ERBB4: variants seen among roughly 807,000 people sequenced by gnomAD.
ERBB4 encodes the protein erb-b2 receptor tyrosine kinase 4.
A neutral mutation model predicts 158.0 loss-of-function variants in ERBB4; 42 were observed. The ratio of observed to expected loss-of-function variants is 0.27; its 90% CI spans 0.21 to 0.34. The LOEUF (loss-of-function observed/expected upper bound fraction) is 0.34, where lower values mean the gene tolerates loss of function less well. ERBB4 is among the 10% of genes least tolerant of loss of function. The pLI, the probability that ERBB4 is intolerant of heterozygous loss-of-function variation, is 1.00. For missense variants in ERBB4, 1,333 were observed against 1,624.1 expected, an observed-to-expected ratio of 0.82 and a Z score of 3.08; for synonymous variants, 583 against 558.7, an observed-to-expected ratio of 1.04 and a Z score of -0.61.
At chr2:212,279,242 G>T (rs1490246732) in intron 1 of ERBB4, among the ~76,000 whole-genome samples, 1 of 151,140 alleles carries the variant, frequency 6.6e-6, no homozygotes, top group Non-Finnish European at 1.5e-5. Flanking sequence ...AAATTAAAAG[G>T]TGCATAAAAT....
chr2:212,453,812 G>A (rs1053779237), intron 1 of ERBB4, among the ~76,000 whole-genome samples: 1 of 152,168 alleles, frequency 6.6e-6, no homozygotes, highest in Non-Finnish European at 1.5e-5. Flanking sequence ...TTTAAACGTA[G>A]TTTTATCAAC....
intron 18 of ERBB4, among the ~76,000 whole-genome samples, chr2:211,623,029 AT>A: frequency 6.9e-5 from 7 of 101,916 alleles, no homozygotes; most frequent in Admixed American, 2.1e-4. Flanking sequence ...ATATATATAT[AT>A]ATATATATAT....
intron 3 of ERBB4, among the ~76,000 whole-genome samples, chr2:211,915,859 T>A (rs2079675210): frequency 6.6e-6 from 1 of 151,922 alleles, no homozygotes; most frequent in Admixed American, 6.6e-5. Flanking sequence ...AATATCCCTG[T>A]TATTTTTTTG....
chr2:212,355,611 A>T (rs2089433976), intron 1 of ERBB4, among the ~76,000 whole-genome samples: 1 of 152,038 alleles, frequency 6.6e-6, no homozygotes, highest in African/African-American at 2.4e-5. Flanking sequence ...GCTTCTCCAT[A>T]AAAGACATTT....
chr2:211,785,343 C>T (rs1028383733), intron 4 of ERBB4, among the ~76,000 whole-genome samples: 3 of 152,142 alleles, frequency 2.0e-5, no homozygotes, highest in Non-Finnish European at 2.9e-5. Context: ...TCGCGTGATC[C>T]GCCCACCTCA....
intron 20 of ERBB4, among the ~76,000 whole-genome samples, chr2:211,537,866 C>A (rs1281607339): frequency 6.6e-6 from 1 of 151,902 alleles, no homozygotes; most frequent in African/African-American, 2.4e-5. Context: ...GTATAAATTT[C>A]TCTCATTTTC....
At chr2:211,594,338 C>CT (rs2068566435) in intron 19 of ERBB4, among the ~76,000 whole-genome samples, 1 of 151,992 alleles carries the variant, frequency 6.6e-6, no homozygotes, top group Non-Finnish European at 1.5e-5. Flanking sequence ...ACTCAGGAGG[C>CT]TGAGGCAGGA....
Position 212,315,340 on chromosome 2 carries a change from T to C in ERBB4, c.83-190437A>G, listed in dbSNP as rs2087226113. 2.0e-5 allele frequency among the ~76,000 whole-genome samples: 3 copies of C among 151,312 alleles called. No homozygotes were observed. The South Asian group carries it at 6.2e-4, about 31-fold the overall frequency. On this transcript the variant is annotated intron_variant, in intron 1 of 27. Transcript: ENST00000342788. The stretch of plus-strand genomic sequence containing the variant: ...TCAGAAAGACTGCAGCAATTCAAAA[T>C]GAGAATCCAACACGTGGCTTGTGAG...
At chr2:211,573,857 T>C (rs1056764999) in intron 19 of ERBB4, among the ~76,000 whole-genome samples, 5 of 152,146 alleles carry the variant, frequency 3.3e-5, no homozygotes, top group Non-Finnish European at 7.4e-5. Flanking sequence ...GAAGGTGAGC[T>C]GAAATATTGT....
chr2:212,002,746 A>G (rs1013580087), intron 2 of ERBB4, among the ~76,000 whole-genome samples: 8 of 152,130 alleles, frequency 5.3e-5, no homozygotes, highest in Non-Finnish European at 1.0e-4. Flanking sequence ...GAATAAATAT[A>G]GAAGTCTTAG....
chr2:211,845,131 G>A (rs1348513060), intron 3 of ERBB4, among the ~76,000 whole-genome samples: 1 of 151,968 alleles, frequency 6.6e-6, no homozygotes, highest in Non-Finnish European at 1.5e-5. Context: ...GTAACAGGTG[G>A]AAGGTTTCCC....
intron 1 of ERBB4, among the ~76,000 whole-genome samples, chr2:212,206,576 C>T (rs974350724): frequency 3.5e-5 from 4 of 114,762 alleles, no homozygotes; most frequent in South Asian, 2.6e-4. Context: ...GAACTGTCTC[C>T]GTCTGTTCTG....
intron 2 of ERBB4, among the ~76,000 whole-genome samples, chr2:212,094,718 C>T (rs2125500946): frequency 6.6e-6 from 1 of 152,304 alleles, no homozygotes; most frequent in Admixed American, 6.5e-5. Flanking sequence ...TGGTGCCATG[C>T]TTCCTGTGCA....
chr2:212,211,417 C>G (rs1283363235), intron 1 of ERBB4, among the ~76,000 whole-genome samples: 1 of 152,068 alleles, frequency 6.6e-6, no homozygotes, highest in East Asian at 1.9e-4. Context: ...TTAATATCAG[C>G]CTTCTCTGAA....
In ERBB4 at chr2:211,379,822, T is replaced by C. The variant is rs1170560989; in HGVS notation, c.*3793A>G. ...AAAGGTTAGAGAGCTCTAGAAAAAC[T>C]TGTATTTACATCCTTCCCTGTCAGG... On this transcript the variant is annotated 3_prime_UTR_variant, in exon 28 of 28. Transcript: ENST00000342788. 4.3e-6 allele frequency: 1 copy of C among 231,996 alleles called. No individual in the cohort carries two copies. Among genetic ancestry groups the C allele is most frequent in the Non-Finnish European group, 8.5e-6 (1 of 117,364 alleles). The allele number at this position is 231,996 out of a possible 1,614,324, so 14.4% of individuals were successfully genotyped here.
chr2:211,521,067 C>A (rs2066173688), intron 20 of ERBB4, among the ~76,000 whole-genome samples: 1 of 152,008 alleles, frequency 6.6e-6, no homozygotes, highest in South Asian at 2.1e-4. Context: ...CTACAATGGC[C>A]CCTAAGTGTT....
chr2:211,827,625 A>C lies in ERBB4; in HGVS notation c.422-39466T>G, dbSNP rs188463233. On this transcript the variant is annotated intron_variant, in intron 3 of 27. Coordinates refer to ENST00000342788, the MANE Select transcript of ERBB4 (RefSeq NM_005235.3). ...TTAATGAAAAAATGTCAAAAAACTT[A>C]AGTAAATTAAATTTTGCTATCTGCT... Among the ~76,000 whole-genome samples the C allele has an allele frequency of 2.7e-3, 404 of 152,074 alleles. 3 individuals are homozygous for C. The highest frequency in any genetic ancestry group is 9.6e-3 in the African/African-American group (397 of 41,504).
chr2:212,496,480 G>C (rs914906109), intron 1 of ERBB4, among the ~76,000 whole-genome samples: 5 of 152,014 alleles, frequency 3.3e-5, no homozygotes, highest in Non-Finnish European at 7.4e-5. Flanking sequence ...AAAAACTTAC[G>C]GGCATTATAT....
At chr2:212,443,737 GC>G (rs1165323416) in intron 1 of ERBB4, among the ~76,000 whole-genome samples, 1 of 152,190 alleles carries the variant, frequency 6.6e-6, no homozygotes. Flanking sequence ...AAATAGGGAT[GC>G]TGTATGAAGC....
Sources: allele counts gnomAD v4.1 joint callset (sites outside exome capture counted in the v4.1 genomes callset), GRCh38; gene constraint gnomAD v4.1.1; transcripts MANE v1.5; gene names NCBI Gene and HGNC (gene_info 2026-07-23, HGNC 2026-07-21).